Variants in CPED1 observed in about 807,000 individuals in gnomAD.
CPED1 encodes the protein cadherin like and PC-esterase domain containing 1.
Under a neutral mutation model 128.2 loss-of-function variants are expected in CPED1, and 114 were observed. That is an observed-to-expected ratio of 0.89 (90% confidence interval 0.76 to 1.04). The LOEUF is 1.04. CPED1 is among the 50% of genes least tolerant of loss of function. The pLI, the probability that CPED1 is intolerant of heterozygous loss-of-function variation, is 0.00. For missense variants in CPED1, 1,211 were observed against 1,207.1 expected (o/e 1.00, Z -0.05); for synonymous variants, 462 against 426.7 (o/e 1.08, Z -1.02).
rs183357708 is a variant in CPED1, at chr7:121,226,224, C to T, written c.2056-10490C>T. Among the ~76,000 whole-genome samples the T allele has an allele frequency of 2.6e-5, 4 of 152,162 alleles. No individual in the cohort carries two copies. In the East Asian group the frequency reaches 7.8e-4, roughly 30 times the overall value. On this transcript the variant is annotated intron_variant, in intron 16 of 22. Transcript: ENST00000310396. The stretch of plus-strand genomic sequence containing the variant: ...TCGTTTCTGTTCGTTAGCTTTTCTT[C>T]TAACAATCAGGTCCCTTAGCTGCAG...
chr7:121,074,135 T>A (rs1215947038), intron 5 of CPED1, among the ~76,000 whole-genome samples: 1 of 152,090 alleles, frequency 6.6e-6, no homozygotes, highest in African/African-American at 2.4e-5. Context: ...GACATTGTGT[T>A]TGAGGGCAAG....
intron 22 of CPED1, among the ~76,000 whole-genome samples, chr7:121,277,760 G>T (rs1370528529): frequency 3.9e-5 from 6 of 152,058 alleles, no homozygotes; most frequent in Non-Finnish European, 7.4e-5. Flanking sequence ...AAAAAGAAAA[G>T]AAAATACGTC....
At chr7:121,234,449 C>T (rs903338389) in intron 16 of CPED1, among the ~76,000 whole-genome samples, 61 of 151,970 alleles carry the variant, frequency 4.0e-4, no homozygotes, top group Non-Finnish European at 1.0e-4. Context: ...GCATATAGAA[C>T]TATAAACAGA....
At chr7:121,257,126 A>G (rs1486385348) in intron 18 of CPED1, among the ~76,000 whole-genome samples, 1 of 152,080 alleles carries the variant, frequency 6.6e-6, no homozygotes, top group South Asian at 2.1e-4. Flanking sequence ...TGTGCTCACT[A>G]TCTGCATAGC....
At chr7:120,991,246 A>G (rs1277654697) in intron 2 of CPED1, among the ~76,000 whole-genome samples, 2 of 152,260 alleles carry the variant, frequency 1.3e-5, no homozygotes, top group Non-Finnish European at 2.9e-5. Flanking sequence ...CTATCTTATG[A>G]CAAAGAATAG....
chr7:121,268,218 C>T (rs550921998), intron 21 of CPED1, among the ~76,000 whole-genome samples: 25 of 152,050 alleles, frequency 1.6e-4, no homozygotes, highest in African/African-American at 5.5e-4. Flanking sequence ...TATTTGAAGT[C>T]TACAGGTCGA....
At chr7:121,129,301 A>ACACG (rs1795594495) in intron 11 of CPED1, among the ~76,000 whole-genome samples, 1 of 6,298 alleles carries the variant, frequency 1.6e-4, no homozygotes, top group Non-Finnish European at 7.7e-4. Flanking sequence ...ATATATATAT[A>ACACG]TATATATATA....
intron 22 of CPED1, among the ~76,000 whole-genome samples, chr7:121,293,194 G>C (rs896567064): frequency 6.6e-6 from 1 of 152,210 alleles, no homozygotes; most frequent in Admixed American, 6.5e-5. Context: ...TAGGGCTGCT[G>C]CCTTTCTTTC....
intron 7 of CPED1, among the ~76,000 whole-genome samples, chr7:121,120,979 AAAAAAAAAC>A (rs964592916): frequency 1.3e-5 from 2 of 150,342 alleles, no homozygotes; most frequent in Non-Finnish European, 1.5e-5. Flanking sequence ...AAAAAAAAAA[AAAAAAAAAC>A]AAAAAAACTC....
intron 5 of CPED1, among the ~76,000 whole-genome samples, chr7:121,071,408 A>G (rs1172738365): frequency 6.6e-6 from 1 of 151,910 alleles, no homozygotes; most frequent in Non-Finnish European, 1.5e-5. Flanking sequence ...CAAAACAGAA[A>G]TTTTGCTAGC....
At chr7:121,125,427 G>A (rs187832168) in intron 8 of CPED1, among the ~76,000 whole-genome samples, 192 of 152,152 alleles carry the variant, frequency 1.3e-3, no homozygotes, top group Non-Finnish European at 1.9e-3. Flanking sequence ...CCCTGCATGC[G>A]TTAGGTATTT....
At chr7:121,085,698 T>C (rs1163296831) in intron 5 of CPED1, among the ~76,000 whole-genome samples, 1 of 152,220 alleles carries the variant, frequency 6.6e-6, no homozygotes, top group Admixed American at 6.5e-5. Context: ...AGTGGACTCC[T>C]TATTGAACAT....
chr7:121,195,854 T>A (rs1295192221), intron 16 of CPED1, among the ~76,000 whole-genome samples: 3 of 152,176 alleles, frequency 2.0e-5, no homozygotes, highest in African/African-American at 2.4e-5. Context: ...TGAATGTGTG[T>A]TCCTATGAGT....
At chr7:121,294,806 C>CA (rs752742828) in intron 22 of CPED1, among the ~76,000 whole-genome samples, 2,414 of 61,280 alleles carry the variant, frequency 0.039, 59 homozygotes, top group East Asian at 0.078. Context: ...GCCTTCTAAG[C>CA]AAAAAAAAAA....
At chr7:121,007,340 G>T (rs1274470476) in intron 2 of CPED1, among the ~76,000 whole-genome samples, 1 of 150,260 alleles carries the variant, frequency 6.7e-6, no homozygotes, top group South Asian at 2.1e-4. Flanking sequence ...TTTCAGAAAG[G>T]CACCGTATGG....
At chr7:121,123,414 T>C (rs1258211485) in intron 7 of CPED1, among the ~76,000 whole-genome samples, 1 of 152,160 alleles carries the variant, frequency 6.6e-6, no homozygotes, top group Admixed American at 6.5e-5. Flanking sequence ...AGTCTGTTTT[T>C]CCAAAAAACA....
At chr7:121,102,227 C>T (rs1490832114) in intron 7 of CPED1, among the ~76,000 whole-genome samples, 1 of 152,094 alleles carries the variant, frequency 6.6e-6, no homozygotes, top group Non-Finnish European at 1.5e-5. Context: ...TTAAATTCCT[C>T]ATCTATCAGT....
At chr7:121,014,237 T>C (rs923617179) in intron 2 of CPED1, among the ~76,000 whole-genome samples, 7 of 152,182 alleles carry the variant, frequency 4.6e-5, no homozygotes, top group African/African-American at 7.2e-5. Context: ...ATATGTTAAA[T>C]GATCTTGTGT....
chr7:121,063,875 T>G (rs12706311), intron 4 of CPED1, among the ~76,000 whole-genome samples: 70,679 of 151,878 alleles, frequency 0.47, 16,881 homozygotes, highest in South Asian at 0.59. Context: ...TTTATGAAAT[T>G]TTGGAACGGG....
Sources: allele counts gnomAD v4.1 joint callset (sites outside exome capture counted in the v4.1 genomes callset), GRCh38; gene constraint gnomAD v4.1.1; transcripts MANE v1.5; gene names NCBI Gene and HGNC (gene_info 2026-07-23, HGNC 2026-07-21).